The following MAP3K7CL variants were observed in gnomAD, a reference collection of about 807,000 sequenced individuals.
The protein encoded by MAP3K7CL is MAP3K7 C-terminal like.
In MAP3K7CL, 16 loss-of-function variants were observed where a neutral mutation model predicts 18.6. That is an observed-to-expected ratio of 0.86 (90% CI 0.58 to 1.31). The LOEUF (loss-of-function observed/expected upper bound fraction) is 1.31, where lower values mean the gene tolerates loss of function less well. MAP3K7CL is among the 50% of genes most tolerant of loss of function. The pLI is 0.00. For missense variants in MAP3K7CL, 163 were observed against 174.4 expected, an observed-to-expected ratio of 0.93 and a Z score of 0.37; for synonymous variants, 65 against 66.8, an observed-to-expected ratio of 0.97 and a Z score of 0.13.
chr21:29,155,786 AG>A (rs1422782561), intron 3 of MAP3K7CL, among the ~76,000 whole-genome samples: 1 of 152,160 alleles, frequency 6.6e-6, no homozygotes, highest in African/African-American at 2.4e-5. Context: ...GCGAGGAGGA[AG>A]TATCTCCTCC....
chr21:29,120,261 T>C (rs1315137786), intron 4 of MAP3K7CL, among the ~76,000 whole-genome samples: 2 of 152,164 alleles, frequency 1.3e-5, no homozygotes, highest in Admixed American at 1.3e-4. Context: ...TGTATCTTTG[T>C]ATATTTGTAT....
At chr21:29,090,757 C>T (rs533005985) in intron 1 of MAP3K7CL, among the ~76,000 whole-genome samples, 1 of 151,442 alleles carries the variant, frequency 6.6e-6, no homozygotes, top group East Asian at 1.9e-4. Context: ...TGGCCTTCCT[C>T]ACTTTTTTTT....
chr21:29,175,689 C>T lies in MAP3K7CL; in HGVS notation c.*797C>T, dbSNP rs2087950805. 1 of 152,158 alleles carries T rather than the reference C, an allele frequency of 6.6e-6. No individual in the cohort carries two copies. The highest frequency in any genetic ancestry group is 2.1e-4 in the South Asian group (1 of 4,830). The allele number at this position is 152,158 out of a possible 1,614,324, so 9.4% of individuals were successfully genotyped here. ...GAGTGCCCATGAAAACATCAGTGAA[C>T]TTGTAACTATTGTTTTGTTTTGGAT... On this transcript the variant is annotated 3_prime_UTR_variant, in exon 5 of 5. Transcript: ENST00000399928.
intron 4 of MAP3K7CL, among the ~76,000 whole-genome samples, chr21:29,173,293 A>T (rs115361310): frequency 0.017 from 2,555 of 152,326 alleles, 65 homozygotes; most frequent in African/African-American, 0.057. Flanking sequence ...TATTGACTCA[A>T]ACTTTTTTTG....
intron 4 of MAP3K7CL, among the ~76,000 whole-genome samples, chr21:29,168,133 A>T (rs192010639): frequency 9.2e-4 from 140 of 152,342 alleles, no homozygotes; most frequent in African/African-American, 3.2e-3. Context: ...TTAAATATTT[A>T]CTCAGCCTCC....
At position 29,099,261 on chromosome 21, in the gene MAP3K7CL, A is replaced by ATTTTT. The variant is rs968362985; in HGVS notation, c.370+6700_370+6704dup. ...GTACACCACTGTACCCAGCTAATTG[A>ATTTTT]TTTTTTTTTTTTTTTTTTTTTTTTG... On this transcript the variant is annotated intron_variant, in intron 4 of 6. Transcript: ENST00000286791. 4.6e-3 allele frequency among the ~76,000 whole-genome samples: 382 copies of ATTTTT among 83,052 alleles called. 1 individual carries two copies. Among genetic ancestry groups the ATTTTT allele is most frequent in the East Asian group, 8.1e-3 (21 of 2,602 alleles). The allele number at this position is 83,052 out of a possible 152,430, so 54.5% of individuals were successfully genotyped here. A position where few individuals can be genotyped will look rare whatever the true frequency, so the allele number is the denominator to read the frequency against.
chr21:29,111,032 G>A (rs554653067), intron 4 of MAP3K7CL, among the ~76,000 whole-genome samples: 6 of 152,100 alleles, frequency 3.9e-5, no homozygotes, highest in South Asian at 4.2e-4. Flanking sequence ...TGAGGTGGGC[G>A]GATCACAAGG....
intron 4 of MAP3K7CL, among the ~76,000 whole-genome samples, chr21:29,165,448 A>G (rs1355175782): frequency 6.6e-6 from 1 of 152,196 alleles, no homozygotes; most frequent in Admixed American, 6.5e-5. Context: ...AGCAGGGTAC[A>G]CTGTACACAA....
chr21:29,091,644 T>G (rs1437606958), intron 2 of MAP3K7CL: 1 of 701,048 alleles, frequency 1.4e-6, no homozygotes, highest in Non-Finnish European at 2.6e-6. Context: ...TCCAGCTAAG[T>G]TTTTCTTTCT....
intron 4 of MAP3K7CL, among the ~76,000 whole-genome samples, chr21:29,161,384 A>G (rs757533480): frequency 5.9e-5 from 9 of 152,156 alleles, no homozygotes; most frequent in Non-Finnish European, 1.3e-4. Context: ...TTCTGACCTC[A>G]AGCAATCCTC....
intron 1 of MAP3K7CL, chr21:29,077,812 C>T (rs979069617): frequency 1.7e-4 from 26 of 152,298 alleles, no homozygotes; most frequent in African/African-American, 6.3e-4. Flanking sequence ...TGCAAAACGC[C>T]AAGGAGACTG....
At chr21:29,142,261 T>C (rs2087025778) in intron 2 of MAP3K7CL, among the ~76,000 whole-genome samples, 1 of 152,152 alleles carries the variant, frequency 6.6e-6, no homozygotes, top group Non-Finnish European at 1.5e-5. Context: ...GGTATGGGGT[T>C]TTGCCATGTT....
chr21:29,129,812 A>G, upstream of MAP3K7CL, among the ~76,000 whole-genome samples: 1 of 152,236 alleles, frequency 6.6e-6, no homozygotes, highest in East Asian at 1.9e-4. Context: ...CCTCACCAAC[A>G]TTTGATGTTG....
chr21:29,162,821 A>C (rs377481571), intron 4 of MAP3K7CL, among the ~76,000 whole-genome samples: 1 of 151,976 alleles, frequency 6.6e-6, no homozygotes, highest in Non-Finnish European at 1.5e-5. Context: ...AAATGAAAAA[A>C]GGGGCCAGGC....
At chr21:29,100,149 C>G (rs2086201176) in intron 4 of MAP3K7CL, among the ~76,000 whole-genome samples, 1 of 151,952 alleles carries the variant, frequency 6.6e-6, no homozygotes, top group African/African-American at 2.4e-5. Flanking sequence ...GAGCGGCAGC[C>G]CGAATGAATA....
At chr21:29,159,865 A>G in intron 3 of MAP3K7CL, 76 bp from the exon 4 acceptor site, 1 of 1,149,534 alleles carries the variant, frequency 8.7e-7, no homozygotes, top group Non-Finnish European at 1.3e-6. Flanking sequence ...CGTTTAAAGA[A>G]CATCAGCGAG....
intron 4 of MAP3K7CL, among the ~76,000 whole-genome samples, chr21:29,115,360 C>T (rs1370322893): frequency 6.6e-6 from 1 of 152,158 alleles, no homozygotes. Context: ...CTATTCACTG[C>T]AATTCTGCAT....
intron 3 of MAP3K7CL, among the ~76,000 whole-genome samples, chr21:29,151,061 C>T (rs118146085): frequency 0.014 from 2,082 of 151,908 alleles, 19 homozygotes; most frequent in Non-Finnish European, 0.022. Context: ...TGAGCCACGG[C>T]GCCTGGCCTG....
chr21:29,161,735 G>A lies in MAP3K7CL; in HGVS notation c.248+1679G>A, dbSNP rs142156824. On this transcript the variant is annotated intron_variant, in intron 4 of 4. Transcript: ENST00000399928. Reference sequence around the variant, plus strand: ...ACAAAATTTAATTTTTACAAAAAGCGAATGAAATATATTTTGTGTTGAGAA... The same window carrying A: ...ACAAAATTTAATTTTTACAAAAAGCAAATGAAATATATTTTGTGTTGAGAA... Among the ~76,000 whole-genome samples, 51 of 152,126 alleles carry A rather than the reference G, an allele frequency of 3.4e-4. 1 individual carries two copies. The East Asian group carries it at 4.8e-3, about 14-fold the overall frequency.
Sources: gnomAD v4.1 joint callset for allele counts (sites outside exome capture counted in the v4.1 genomes callset) on GRCh38, gnomAD v4.1.1 for gene constraint, MANE v1.5 for transcripts, NCBI Gene and HGNC (gene_info 2026-07-23, HGNC 2026-07-21) for gene names.